The following DCC variants were observed in gnomAD, a reference collection of about 807,000 sequenced individuals.
DCC encodes netrin receptor DCC.
In DCC, 58 loss-of-function variants were observed where a neutral mutation model predicts 172.5. That is an observed-to-expected ratio of 0.34 (90% CI 0.27 to 0.42). DCC has a LOEUF of 0.42. Ranked by LOEUF, DCC falls within the 10% of genes least tolerant of loss-of-function variation. DCC has a pLI of 1.00. For missense variants in DCC, 1,740 were observed against 1,791.0 expected, an observed-to-expected ratio of 0.97 and a Z score of 0.51; for synonymous variants, 709 against 644.5, an observed-to-expected ratio of 1.10 and a Z score of -1.52.
intron 28 of DCC, among the ~76,000 whole-genome samples, chr18:53,528,602 TAA>T (rs1377547939): frequency 1.3e-5 from 2 of 152,018 alleles, no homozygotes; most frequent in Admixed American, 1.3e-4. Flanking sequence ...TTAAAGGAAA[TAA>T]AGAGGACAAA....
chr18:53,342,970 T>G (rs993423091), intron 15 of DCC, among the ~76,000 whole-genome samples: 1 of 143,078 alleles, frequency 7.0e-6, no homozygotes, highest in Non-Finnish European at 1.6e-5. Context: ...TATATATAGA[T>G]GTATTGTGGT....
intron 1 of DCC, among the ~76,000 whole-genome samples, chr18:52,489,524 G>T (rs1250534026): frequency 6.6e-6 from 1 of 152,104 alleles, no homozygotes. Flanking sequence ...TCTTTCTGTT[G>T]AATTAGAAAG....
In DCC at chr18:53,205,209, T is replaced by G; in HGVS notation, c.1574-7T>G. 6.2e-7 allele frequency: 1 copy of G among 1,610,408 alleles called. No homozygotes were observed. Among genetic ancestry groups the G allele is most frequent in the East Asian group, 2.2e-5 (1 of 44,886 alleles). On this transcript the variant is annotated splice_region_variant and splice_polypyrimidine_tract_variant and intron_variant, in intron 9 of 28. Coordinates refer to ENST00000442544, the MANE Select transcript of DCC (RefSeq NM_005215.4). ...TTTCTTTCTTTCTTTATTATTTTTT[T>G]ATACAGTGCAAGTTCCAGGGCCAGT...
intron 1 of DCC, among the ~76,000 whole-genome samples, chr18:52,545,237 C>T (rs1278447786): frequency 1.3e-5 from 2 of 152,166 alleles, no homozygotes; most frequent in Admixed American, 1.3e-4. Context: ...TCCCTGGGAA[C>T]TGTGGGGAAG....
chr18:53,135,641 C>G (rs1314723929), intron 7 of DCC, among the ~76,000 whole-genome samples: 1 of 152,100 alleles, frequency 6.6e-6, no homozygotes, highest in African/African-American at 2.4e-5. Flanking sequence ...CTTTGTCTTT[C>G]CCCCAACCCA....
At chr18:53,452,036 C>A (rs1431402441) in intron 23 of DCC, among the ~76,000 whole-genome samples, 1 of 152,178 alleles carries the variant, frequency 6.6e-6, no homozygotes, top group African/African-American at 2.4e-5. Flanking sequence ...GCTGGGCCAG[C>A]CTCATGTGTG....
intron 1 of DCC, among the ~76,000 whole-genome samples, chr18:52,392,826 A>G (rs990849405): frequency 1.3e-5 from 2 of 152,122 alleles, no homozygotes; most frequent in Non-Finnish European, 2.9e-5. Flanking sequence ...GTTGACTTCC[A>G]TCTTCCACTT....
chr18:53,324,106 A>C (rs545472262), intron 14 of DCC, among the ~76,000 whole-genome samples: 36 of 152,224 alleles, frequency 2.4e-4, no homozygotes, highest in African/African-American at 8.2e-4. Flanking sequence ...GCATGCACAC[A>C]CAAAAAAGTA....
At chr18:52,349,042 C>G (rs1323397611) in intron 1 of DCC, among the ~76,000 whole-genome samples, 1 of 152,120 alleles carries the variant, frequency 6.6e-6, no homozygotes, top group Admixed American at 6.5e-5. Context: ...GACACCAAAT[C>G]TGAGTTAAAA....
At chr18:53,312,976 AAGGGAGGAGGG>A (rs1276830286) in intron 13 of DCC, among the ~76,000 whole-genome samples, 4 of 99,730 alleles carry the variant, frequency 4.0e-5, no homozygotes, top group Non-Finnish European at 5.5e-5. Context: ...TGGGGAGAGG[AAGGGAGGAGGG>A]AGGGAGGAGG....
chr18:53,168,079 G>A (rs1395563119), intron 8 of DCC, among the ~76,000 whole-genome samples: 1 of 152,174 alleles, frequency 6.6e-6, no homozygotes, highest in East Asian at 1.9e-4. Flanking sequence ...TATTGGAGAG[G>A]ATATGGAGAA....
chr18:53,353,709 G>A (rs903644317), intron 15 of DCC, among the ~76,000 whole-genome samples: 4 of 152,026 alleles, frequency 2.6e-5, no homozygotes, highest in African/African-American at 9.7e-5. Context: ...TATTTTTAAG[G>A]ATGTTCCACC....
At chr18:53,416,246 C>CAGGTGTA in intron 21 of DCC, 90 bp downstream of exon 21, 1 of 893,240 alleles carries the variant, frequency 1.1e-6, no homozygotes, top group Non-Finnish European at 1.9e-6. Flanking sequence ...CTCTTTTCAC[C>CAGGTGTA]TGGACCATAC....
chr18:52,687,792 G>A (rs1568042295), intron 1 of DCC, among the ~76,000 whole-genome samples: 1 of 152,080 alleles, frequency 6.6e-6, no homozygotes, highest in Non-Finnish European at 1.5e-5. Context: ...CAAACCAAGA[G>A]TGTATAGGTA....
At chr18:53,470,157 C>G (rs1309694933) in intron 25 of DCC, among the ~76,000 whole-genome samples, 1 of 152,056 alleles carries the variant, frequency 6.6e-6, no homozygotes, top group Non-Finnish European at 1.5e-5. Flanking sequence ...ATAATGTCAT[C>G]TAGTATCAAT....
chr18:52,937,626 G>A (rs1271226476), intron 5 of DCC, among the ~76,000 whole-genome samples: 8 of 152,024 alleles, frequency 5.3e-5, no homozygotes, highest in Non-Finnish European at 1.5e-5. Context: ...TGGGGCTACA[G>A]GTGCACACCA....
intron 1 of DCC, among the ~76,000 whole-genome samples, chr18:52,436,070 A>C (rs140521357): frequency 5.3e-5 from 8 of 152,302 alleles, no homozygotes; most frequent in South Asian, 4.1e-4. Context: ...TCTGCCCCTC[A>C]GATCTTAGTT....
At chr18:52,839,492 A>G (rs2038768766) in intron 2 of DCC, among the ~76,000 whole-genome samples, 1 of 152,198 alleles carries the variant, frequency 6.6e-6, no homozygotes, top group South Asian at 2.1e-4. Flanking sequence ...ATTACAGGAA[A>G]TGATTGCACG....
chr18:52,697,160 A>G (rs2036026225), intron 1 of DCC, among the ~76,000 whole-genome samples: 1 of 152,224 alleles, frequency 6.6e-6, no homozygotes, highest in Admixed American at 6.5e-5. Flanking sequence ...ACTTAGAAAT[A>G]TTTAAAGTAT....
Sources: allele counts gnomAD v4.1 joint callset (sites outside exome capture counted in the v4.1 genomes callset), GRCh38; gene constraint gnomAD v4.1.1; transcripts MANE v1.5; gene names NCBI Gene and HGNC (gene_info 2026-07-23, HGNC 2026-07-21).